Variants in GLMN observed in about 807,000 individuals in gnomAD.
GLMN encodes glomulin.
In GLMN, 75 loss-of-function variants were observed where a neutral mutation model predicts 87.8. That is an observed-to-expected ratio of 0.85 (90% confidence interval 0.71 to 1.04). GLMN has a LOEUF of 1.04. GLMN is among the 50% of genes least tolerant of loss of function. The probability of loss-of-function intolerance (pLI) is 0.00; values close to 1 mark genes in which losing one functional copy is unlikely to be tolerated. For missense variants in GLMN, 588 were observed against 658.8 expected (o/e 0.89, Z 1.18); for synonymous variants, 206 against 221.6 (o/e 0.93, Z 0.63).
the GLMN span, among the ~76,000 whole-genome samples, chr1:92,317,779 C>G: frequency 6.6e-6 from 1 of 152,066 alleles, no homozygotes; most frequent in Non-Finnish European, 1.5e-5. Context: ...TTTAAAGATA[C>G]AATTTTCTTT....
the GLMN span, among the ~76,000 whole-genome samples, chr1:92,349,487 T>C: frequency 6.6e-6 from 1 of 152,202 alleles, no homozygotes; most frequent in East Asian, 1.9e-4. Flanking sequence ...AATCAACATT[T>C]TGACCAAAAC....
chr1:92,252,274 A>T (rs1193391622), intron 16 of GLMN, among the ~76,000 whole-genome samples: 1 of 152,222 alleles, frequency 6.6e-6, no homozygotes, highest in East Asian at 1.9e-4. Context: ...GGCCCAGCGC[A>T]GTAGCTCATG....
chr1:92,366,560 G>A, the GLMN span, among the ~76,000 whole-genome samples: 1 of 152,150 alleles, frequency 6.6e-6, no homozygotes, highest in Non-Finnish European at 1.5e-5. Flanking sequence ...GGGGCCACAT[G>A]TGAGACAGAT....
At chr1:92,271,283 T>C (rs564819718) in intron 8 of GLMN, among the ~76,000 whole-genome samples, 182 bp downstream of exon 8, 1 of 152,316 alleles carries the variant, frequency 6.6e-6, no homozygotes, top group African/African-American at 2.4e-5. Flanking sequence ...CTCCCCACTT[T>C]CATTACTTGT....
intron 7 of GLMN, among the ~76,000 whole-genome samples, chr1:92,274,332 T>C (rs1475212703): frequency 6.6e-6 from 1 of 152,218 alleles, no homozygotes; most frequent in Non-Finnish European, 1.5e-5. Context: ...GGAATGCAGC[T>C]GTTGGGTAGA....
chr1:92,260,740 A>G (rs1654929049), intron 16 of GLMN, among the ~76,000 whole-genome samples: 1 of 134,732 alleles, frequency 7.4e-6, no homozygotes. Flanking sequence ...TGGGCAATAC[A>G]GTGAGACACT....
intron 7 of GLMN, among the ~76,000 whole-genome samples, chr1:92,273,729 T>C (rs1207789178): frequency 6.6e-6 from 1 of 152,096 alleles, no homozygotes; most frequent in Non-Finnish European, 1.5e-5. Context: ...GGCCTGGGCC[T>C]ACAAGCGGGA....
the GLMN span, chr1:92,307,075 C>A: frequency 1.4e-6 from 1 of 703,888 alleles, no homozygotes; most frequent in Non-Finnish European, 2.3e-6. Flanking sequence ...GGTGGTAGAT[C>A]TGTAGGTTTC....
At chr1:92,322,426 C>G in the GLMN span, among the ~76,000 whole-genome samples, 1 of 151,212 alleles carries the variant, frequency 6.6e-6, no homozygotes, top group Non-Finnish European at 1.5e-5. Context: ...CACCTGTAAT[C>G]CCAGCTACTT....
chr1:92,281,047 G>A (rs1203165685), intron 7 of GLMN, among the ~76,000 whole-genome samples: 1 of 152,184 alleles, frequency 6.6e-6, no homozygotes, highest in African/African-American at 2.4e-5. Context: ...ACACTCTTCA[G>A]GATATTATCC....
chr1:92,348,859 A>G, the GLMN span, among the ~76,000 whole-genome samples: 1 of 152,244 alleles, frequency 6.6e-6, no homozygotes, highest in Non-Finnish European at 1.5e-5. Context: ...ATTACATTTT[A>G]GAGAAGGCAT....
Position 92,289,115 on chromosome 1 carries a change from C to A in GLMN, c.431G>T (p.Gly144Val), listed in dbSNP as rs753923908. ...QKLHNKAYSIGLALSTLWNQL... is the reference protein window; with the variant it reads ...QKLHNKAYSIVLALSTLWNQL... ...ATTCCAAAGGGTAGACAATGCTAATCCAATTGAATATGCCTTGTTATGAAG... is the reference window on the plus strand; with the variant it reads ...ATTCCAAAGGGTAGACAATGCTAATACAATTGAATATGCCTTGTTATGAAG... Residue 144 changes from glycine (G) to valine (V), a missense_variant, in exon 6 of 19, where the codon GGA becomes GTA. Physicochemically the swap from Gly to Val is moderately radical, Grantham distance 109. Coordinates refer to ENST00000370360, the MANE Select transcript of GLMN (RefSeq NM_053274.3). 1.2e-6 allele frequency: 2 copies of A among 1,607,236 alleles called. No individual in the cohort carries two copies. The highest frequency in any genetic ancestry group is 1.7e-5 in the Admixed American group (1 of 59,966).
Position 92,271,447 on chromosome 1 carries a change from C to A in GLMN, c.923+18G>T, listed in dbSNP as rs532141211. ...ATTCCTTTTAGAATACATGAATAAA[C>A]CAAACACTAACTCTTACCTTAAGAC... On this transcript the variant is annotated intron_variant, in intron 8 of 18. Coordinates refer to ENST00000370360, the MANE Select transcript of GLMN (RefSeq NM_053274.3). 6.3e-7 allele frequency: 1 copy of A among 1,591,394 alleles called. No homozygotes were observed. The highest frequency in any genetic ancestry group is 2.2e-5 in the East Asian group (1 of 44,744).
chr1:92,343,920 A>T, the GLMN span, among the ~76,000 whole-genome samples: 1 of 152,210 alleles, frequency 6.6e-6, no homozygotes, highest in African/African-American at 2.4e-5. Context: ...ATTGTTTCAG[A>T]TGGACGGAAT....
chr1:92,246,405 A>G lies in GLMN; in HGVS notation c.*125T>C. On this transcript the variant is annotated 3_prime_UTR_variant, in exon 19 of 19. Transcript: ENST00000370360. ...AGTGTATCATTATAGAAATTGATAA[A>G]TGAGAAAAGCTACATTTATTTTTCA... The G allele has an allele frequency of 3.2e-6, 2 of 625,556 alleles. No individual in the cohort carries two copies. The highest frequency in any genetic ancestry group is 5.7e-6 in the Non-Finnish European group (2 of 349,616). 38.8% of individuals were successfully genotyped at this position (625,556 alleles called of 1,614,324 possible).
intron 1 of GLMN, 119 bp from the exon 2 acceptor site, chr1:92,298,148 G>A: frequency 1.6e-6 from 1 of 613,978 alleles, no homozygotes. Flanking sequence ...AGTTTTTGTT[G>A]TTGTGTTTTT....
the GLMN span, among the ~76,000 whole-genome samples, chr1:92,334,505 G>GTT: frequency 6.6e-6 from 1 of 152,010 alleles, no homozygotes; most frequent in Non-Finnish European, 1.5e-5. Context: ...ACAGTTAGGG[G>GTT]TCAAATGACA....
At chr1:92,254,417 A>C (rs1008364542) in intron 16 of GLMN, among the ~76,000 whole-genome samples, 3 of 152,148 alleles carry the variant, frequency 2.0e-5, no homozygotes, top group African/African-American at 7.2e-5. Flanking sequence ...AATACAGAGA[A>C]CACCACAAAG....
At chr1:92,354,548 T>C in the GLMN span, among the ~76,000 whole-genome samples, 1 of 152,176 alleles carries the variant, frequency 6.6e-6, no homozygotes, top group Non-Finnish European at 1.5e-5. Context: ...ATTAGAAATA[T>C]CAGTGGAAAG....
Sources: allele counts gnomAD v4.1 joint callset (sites outside exome capture counted in the v4.1 genomes callset), GRCh38; gene constraint gnomAD v4.1.1; transcripts MANE v1.5; gene names NCBI Gene and HGNC (gene_info 2026-07-23, HGNC 2026-07-21).